Variants in GOSR2 observed in about 807,000 individuals in gnomAD.
The protein encoded by GOSR2 is golgi SNAP receptor complex member 2, also known as 27 kDa Golgi SNARE protein.
Under a neutral mutation model 27.9 loss-of-function variants are expected in GOSR2, and 20 were observed. The observed-to-expected ratio is 0.72, with a 90% confidence interval of 0.50 to 1.04. GOSR2 has a LOEUF of 1.04. GOSR2 is among the 50% of genes least tolerant of loss of function. GOSR2 has a pLI of 0.00. For missense variants in GOSR2, 261 were observed against 270.5 expected (o/e 0.97, Z 0.25); for synonymous variants, 91 against 98.8 (o/e 0.92, Z 0.47).
rs11652318 is a variant in GOSR2 at position 46,963,728 on chromosome 17, T to C, written c.584-2806T>C. 0.45 allele frequency: 67,845 copies of C among 151,988 alleles called. 15,379 individuals are homozygous for C. The highest frequency in any genetic ancestry group is 0.52 in the South Asian group (2,504 of 4,800). 9.4% of individuals were successfully genotyped at this position (151,988 alleles called of 1,614,324 possible). ...AACATATGTTCTTGACAAGGGAGTG[T>C]GCCTTGTTCCCCACCCACAGTCACC... On this transcript the variant is annotated intron_variant, in intron 6 of 6. Coordinates refer to the GOSR2 transcript ENST00000573224.
chr17:46,973,128 C>A lies in GOSR2; in HGVS notation c.616-2071C>A, dbSNP rs112661444. 512 of 152,486 alleles carry A rather than the reference C, an allele frequency of 3.4e-3. 2 individuals carry two copies. Among genetic ancestry groups the A allele is most frequent in the Non-Finnish European group, 5.3e-3 (356 of 67,302 alleles). The allele number at this position is 152,486 out of a possible 1,614,324, so 9.4% of individuals were successfully genotyped here. A position where few individuals can be genotyped will look rare whatever the true frequency, so the allele number is the denominator to read the frequency against. On this transcript the variant is annotated intron_variant, in intron 6 of 6. Coordinates refer to the GOSR2 transcript ENST00000640723. ...TTAAATGTGTGTGCATGTGTGCAAC[C>A]CACATGTGTACACGTATACCTTGCC...
In GOSR2 at chr17:46,939,024, G is replaced by C. The variant is rs1173159954; in HGVS notation, c.*264G>C. 1 of 1,302,504 alleles carries C rather than the reference G, an allele frequency of 7.7e-7. No individual in the cohort carries two copies. The highest frequency in any genetic ancestry group is 9.9e-7 in the Non-Finnish European group (1 of 1,014,144). 80.7% of individuals were successfully genotyped at this position (1,302,504 alleles called of 1,614,324 possible). A position where few individuals can be genotyped will look rare whatever the true frequency, so the allele number is the denominator to read the frequency against. ...GTCTCTCTCACTCTCGCTCTCACTG[G>C]GGGAGGGAAAGAATGGCTTTGGTGG... On this transcript the variant is annotated 3_prime_UTR_variant, in exon 6 of 6. Transcript: ENST00000640051.
At chr17:46,974,492 T>C (rs935185707) in intron 6 of GOSR2, among the ~76,000 whole-genome samples, 3 of 152,144 alleles carry the variant, frequency 2.0e-5, no homozygotes, top group Non-Finnish European at 4.4e-5. Flanking sequence ...CCCAGCACTT[T>C]GGGAGGCCGA....
intron 5 of GOSR2, chr17:46,935,518 G>A (rs1268409140): frequency 3.9e-6 from 5 of 1,289,122 alleles, no homozygotes; most frequent in African/African-American, 1.5e-5. Flanking sequence ...TGAAGACGTG[G>A]CTGTCCTTTG....
intron 6 of GOSR2, among the ~76,000 whole-genome samples, chr17:46,960,731 A>G (rs867194203): frequency 6.6e-6 from 1 of 152,236 alleles, no homozygotes; most frequent in Admixed American, 6.5e-5. Flanking sequence ...ATGCATTAAG[A>G]TAAGTGTGAG....
intron 6 of GOSR2, among the ~76,000 whole-genome samples, chr17:46,960,901 A>AT (rs1266295265): frequency 3.2e-4 from 49 of 152,214 alleles, no homozygotes; most frequent in African/African-American, 1.2e-3. Flanking sequence ...GAGTATCTCG[A>AT]TTGTGTTCAT....
At chr17:46,929,450 A>G in intron 1 of GOSR2, 70 bp from the exon 2 acceptor site, 1 of 824,244 alleles carries the variant, frequency 1.2e-6, no homozygotes, top group Non-Finnish European at 2.2e-6. Flanking sequence ...CATCAGAAAA[A>G]TTGTCTTTCC....
intron 6 of GOSR2, among the ~76,000 whole-genome samples, chr17:46,958,573 G>T (rs1015000635): frequency 1.3e-5 from 2 of 152,228 alleles, no homozygotes; most frequent in Non-Finnish European, 2.9e-5. Flanking sequence ...GAGCTGCTTA[G>T]AGGCCTGGGT....
At chr17:46,974,142 C>T (rs1021911130) in intron 6 of GOSR2, among the ~76,000 whole-genome samples, 3 of 152,246 alleles carry the variant, frequency 2.0e-5, no homozygotes, top group African/African-American at 7.2e-5. Flanking sequence ...CTATCCCCGA[C>T]TCAGAGGACA....
intron 1 of GOSR2, among the ~76,000 whole-genome samples, chr17:46,925,729 A>G (rs1017544974): frequency 2.0e-4 from 31 of 152,176 alleles, no homozygotes; most frequent in Non-Finnish European, 1.6e-4. Context: ...TTTTACTGGA[A>G]CTTTGAACCC....
intron 6 of GOSR2, among the ~76,000 whole-genome samples, chr17:46,975,009 T>C (rs2091434745): frequency 5.7e-5 from 5 of 87,652 alleles, no homozygotes; most frequent in Admixed American, 5.6e-4. Flanking sequence ...TTTTTTTTTT[T>C]TTTTATGTCC....
At chr17:46,957,953 C>T (rs1273320582) in intron 6 of GOSR2, among the ~76,000 whole-genome samples, 2 of 152,106 alleles carry the variant, frequency 1.3e-5, no homozygotes, top group African/African-American at 4.8e-5. Context: ...GAGAGGGAGT[C>T]GGAGATCTGA....
Position 46,940,551 on chromosome 17 carries a change from C to T in GOSR2, c.*1791C>T. 2.5e-6 allele frequency: 4 copies of T among 1,614,128 alleles called. No individual in the cohort carries two copies. The highest frequency in any genetic ancestry group is 2.5e-6 in the Non-Finnish European group (3 of 1,180,000). ...TGCGACGGCAAGGCTGTCCTGTCCC[C>T]CAGGCACCCAAGGATCCTGCCAGAC... On this transcript the variant is annotated 3_prime_UTR_variant, in exon 6 of 6. Coordinates refer to ENST00000640051, the MANE Select transcript of GOSR2 (RefSeq NM_004287.5).
intron 1 of GOSR2, 75 bp downstream of exon 1, chr17:46,923,296 C>G: frequency 6.5e-7 from 1 of 1,548,466 alleles, no homozygotes; most frequent in South Asian, 1.2e-5. Flanking sequence ...GGGCTGAGGC[C>G]TCGGACGTCA....
intron 2 of GOSR2, chr17:46,930,392 A>G (rs2087163565): frequency 1.3e-5 from 2 of 152,320 alleles, no homozygotes; most frequent in Admixed American, 6.5e-5. Flanking sequence ...CTTCTCAGCA[A>G]TCTCATTGTT....
intron 4 of GOSR2, among the ~76,000 whole-genome samples, chr17:46,934,555 C>CT (rs1389166444): frequency 1.3e-5 from 2 of 152,148 alleles, no homozygotes; most frequent in African/African-American, 4.8e-5. Flanking sequence ...ACAGCCTCCT[C>CT]TATCCTTAGT....
chr17:46,928,128 G>C (rs925999504), intron 1 of GOSR2, among the ~76,000 whole-genome samples: 1 of 152,044 alleles, frequency 6.6e-6, no homozygotes. Flanking sequence ...GGAAGCAACG[G>C]CCTGGTCTCG....
At chr17:46,946,793 G>A (rs926620700), downstream of GOSR2, among the ~76,000 whole-genome samples, 1 of 152,230 alleles carries the variant, frequency 6.6e-6, no homozygotes, top group Non-Finnish European at 1.5e-5. Context: ...AACCCAGGAG[G>A]CAGAGGTTGC....
chr17:46,923,357 C>T (rs897166068), intron 1 of GOSR2, 136 bp downstream of exon 1: 349 of 1,504,904 alleles, frequency 2.3e-4, no homozygotes, highest in African/African-American at 3.0e-4. Context: ...GGGATGCCTC[C>T]GAAGTGCTTA....
Sources: allele counts gnomAD v4.1 joint callset (sites outside exome capture counted in the v4.1 genomes callset), GRCh38; gene constraint gnomAD v4.1.1; transcripts MANE v1.5; gene names NCBI Gene and HGNC (gene_info 2026-07-23, HGNC 2026-07-21).